Variants in CAMTA2 observed in about 807,000 individuals in gnomAD.
CAMTA2 encodes the protein calmodulin binding transcription activator 2, also known as calmodulin-binding transcription activator 2.
CAMTA2 carries 56 observed loss-of-function variants against 135.7 expected under a neutral mutation model. The ratio of observed to expected loss-of-function variants is 0.41; its 90% CI spans 0.33 to 0.52. The LOEUF (loss-of-function observed/expected upper bound fraction) is 0.52. Ranked by LOEUF, CAMTA2 falls within the 20% of genes least tolerant of loss-of-function variation. The pLI is 0.16. For synonymous variants in CAMTA2, 591 were observed against 604.6 expected (o/e 0.98, Z 0.33); for missense variants, 1,358 against 1,553.4 (o/e 0.87, Z 2.11).
Position 4,979,997 on chromosome 17 carries a change from A to G in CAMTA2, c.1325T>C (p.Phe442Ser), listed in dbSNP as rs1972859305. Residue 442 changes from phenylalanine to serine, a missense_variant, in exon 9 of 23, where the codon TTC (phenylalanine) becomes TCC (serine). By Grantham distance (155) the Phe-to-Ser change is radical. Coordinates refer to ENST00000348066, the MANE Select transcript of CAMTA2 (RefSeq NM_015099.4). Reference protein sequence around the residue: ...SVAGGRRGNCFFIQDDDSGEE... With the variant: ...SVAGGRRGNCSFIQDDDSGEE... ...CCCACTGTCATCATCTTGGATGAAG[A>G]AGCAGTTTCCTCTTCTCCCACCTGC... is the stretch of plus-strand genomic sequence containing the variant. The G allele has an allele frequency of 6.2e-7, 1 of 1,613,556 alleles. No homozygotes were observed. Among genetic ancestry groups the G allele is most frequent in the Non-Finnish European group, 8.5e-7 (1 of 1,179,948 alleles).
At position 4,968,645 on chromosome 17, in the gene CAMTA2, C is replaced by G. The variant is rs771443182; in HGVS notation, c.*111G>C. On this transcript the variant is annotated 3_prime_UTR_variant, in exon 23 of 23. Coordinates refer to ENST00000348066, the MANE Select transcript of CAMTA2 (RefSeq NM_015099.4). Reference sequence around the variant, plus strand: ...GGAGGAGGCCTACAGAGGGCTCCAACAAAGGTGAACAGGAAAGCTGCCGAC... The same window carrying G: ...GGAGGAGGCCTACAGAGGGCTCCAAGAAAGGTGAACAGGAAAGCTGCCGAC... 144 of 1,269,900 alleles carry G rather than the reference C, an allele frequency of 1.1e-4. No individual in the cohort carries two copies. The highest frequency in any genetic ancestry group is 1.5e-4 in the Non-Finnish European group (135 of 889,554). 78.7% of individuals were successfully genotyped at this position (1,269,900 alleles called of 1,614,324 possible).
intron 10 of CAMTA2, among the ~76,000 whole-genome samples, chr17:4,978,085 C>T (rs756236543): frequency 2.0e-4 from 30 of 152,232 alleles, no homozygotes; most frequent in Non-Finnish European, 3.4e-4. Flanking sequence ...AGCCAATGTC[C>T]TTCAGTCCCA....
Position 4,968,623 on chromosome 17 carries a change from G to A in CAMTA2, c.*133C>T, listed in dbSNP as rs1409948101. The A allele has an allele frequency of 2.2e-6, 2 of 890,312 alleles. No individual in the cohort carries two copies. Among genetic ancestry groups the A allele is most frequent in the East Asian group, 5.2e-5 (2 of 38,530 alleles). The allele number at this position is 890,312 out of a possible 1,614,324, so 55.2% of individuals were successfully genotyped here. On this transcript the variant is annotated 3_prime_UTR_variant, in exon 23 of 23. Transcript: ENST00000348066. ...GGGAGCAAGGCGTGGGGAGGAGGGA[G>A]GAGGCCTACAGAGGGCTCCAACAAA...
intron 10 of CAMTA2, among the ~76,000 whole-genome samples, chr17:4,977,864 T>G (rs936417856): frequency 6.6e-6 from 1 of 152,134 alleles, no homozygotes; most frequent in Non-Finnish European, 1.5e-5. Flanking sequence ...GGCAATGAAG[T>G]CTAGACCAGT....
rs1162297178 is a variant in CAMTA2, at chr17:4,973,350, A to G, written c.2202-97T>C. The G allele has an allele frequency of 8.7e-6, 9 of 1,040,406 alleles. No individual in the cohort carries two copies. The South Asian group carries it at 9.0e-5, about 10-fold the overall frequency. The allele number at this position is 1,040,406 out of a possible 1,614,324, so 64.4% of individuals were successfully genotyped here. A position where few individuals can be genotyped will look rare whatever the true frequency, so the allele number is the denominator to read the frequency against. ...AAAGGCACTAGGAGGCAAGCTGTAC[A>G]GGGCCGGTGGGAAGAGGCAGTCAAG... On this transcript the variant is annotated intron_variant, in intron 13 of 22. Transcript: ENST00000348066.
chr17:4,970,572 G>A, intron 16 of CAMTA2, 36 bp from the exon 17 acceptor site: 1 of 1,559,396 alleles, frequency 6.4e-7, no homozygotes, highest in Non-Finnish European at 8.8e-7. Flanking sequence ...GTCCTTAGGG[G>A]CCCCAGCTGC....
Position 4,973,263 on chromosome 17 carries a change from T to A in CAMTA2, c.2202-10A>T. On this transcript the variant is annotated splice_polypyrimidine_tract_variant and intron_variant, in intron 13 of 22. Transcript: ENST00000348066. ...TCCAGTCTCCACACTCCTGGAGGGT[T>A]TGGGAGAGAGACAGCAGAGCCCAAT... The A allele has an allele frequency of 6.2e-7, 1 of 1,610,024 alleles. No homozygotes were observed. The highest frequency in any genetic ancestry group is 8.5e-7 in the Non-Finnish European group (1 of 1,176,352).
chr17:4,980,510 T>A lies in CAMTA2; in HGVS notation c.812A>T (p.Glu271Val), dbSNP rs757124032. The A allele has an allele frequency of 6.7e-7, 1 of 1,490,290 alleles. No homozygotes were observed. The highest frequency in any genetic ancestry group is 9.1e-7 in the Non-Finnish European group (1 of 1,099,756). The allele number at this position is 1,490,290 out of a possible 1,614,324, so 92.3% of individuals were successfully genotyped here. A position where few individuals can be genotyped will look rare whatever the true frequency, so the allele number is the denominator to read the frequency against. The stretch of plus-strand genomic sequence containing the variant: ...AAGTGGGGCTATCAGTGGAGGAGGC[T>A]CTGGGGGGTGAGCGTGGGGGATAGA... Reference protein sequence around the residue: ...LTSIPHAHPPEPPPLIAPLPP... With the variant: ...LTSIPHAHPPVPPPLIAPLPP... The change falls in exon 9 of 23, where the codon GAG (glutamate) becomes GTG (valine). Residue 271 changes from glutamate (E) to valine (V), a missense_variant. Coordinates refer to ENST00000348066, the MANE Select transcript of CAMTA2 (RefSeq NM_015099.4). The surrounding 1 kb of genome is among the most constrained non-coding windows in gnomAD (Gnocchi z 5.3).
rs1972909266 is a variant in CAMTA2, at chr17:4,980,676, T to A, written c.701-55A>T. 1.5e-6 allele frequency: 2 copies of A among 1,368,240 alleles called. No individual in the cohort carries two copies. Among genetic ancestry groups the A allele is most frequent in the African/African-American group, 2.9e-5 (2 of 69,868 alleles). The allele number at this position is 1,368,240 out of a possible 1,614,324, so 84.8% of individuals were successfully genotyped here. The stretch of plus-strand genomic sequence containing the variant: ...AGATAAGACACATCATTCCGCACCT[T>A]CTCTACCTTGAGGCCCTTAAAAGTA... On this transcript the variant is annotated intron_variant, in intron 8 of 22. Coordinates refer to ENST00000348066, the MANE Select transcript of CAMTA2 (RefSeq NM_015099.4). The surrounding 1 kb of genome is among the most constrained non-coding windows in gnomAD (Gnocchi z 5.3).
rs371069029 is a variant in CAMTA2 at position 4,980,537 on chromosome 17, G to A, written c.785C>T (p.Thr262Ile). The A allele has an allele frequency of 6.2e-6, 10 of 1,613,526 alleles. No homozygotes were observed. In the African/African-American group the frequency reaches 8.0e-5, roughly 13 times the overall value. The stretch of plus-strand genomic sequence containing the variant: ...TGGGGGGTGAGCGTGGGGGATAGAG[G>A]TCAGGGTTAAAGCTCGGGGCTCCAC... ...PKVEPRALTL[T>I]SIPHAHPPEP... is the part of the protein sequence containing the mutation. The change falls in exon 9 of 23, where the codon ACC becomes ATC. Residue 262 changes from threonine (T) to isoleucine (I), a missense_variant. Coordinates refer to ENST00000348066, the MANE Select transcript of CAMTA2 (RefSeq NM_015099.4). The surrounding 1 kb of genome is among the most constrained non-coding windows in gnomAD (Gnocchi z 5.3).
Position 4,968,772 on chromosome 17 carries a change from G to A in CAMTA2, c.3593C>T (p.Pro1198Leu). 1.2e-6 allele frequency: 2 copies of A among 1,614,146 alleles called. No individual in the cohort carries two copies. The highest frequency in any genetic ancestry group is 1.1e-5 in the South Asian group (1 of 91,084). The change falls in exon 23 of 23, where the codon CCG becomes CTG. Residue 1198 changes from proline (P) to leucine (L), a missense_variant. Pro to Leu is a moderately conservative substitution (Grantham distance 98). This residue lies in a region of CAMTA2 where 167 missense variants were observed against 207.0 expected (regional missense o/e 0.81). Coordinates refer to ENST00000348066, the MANE Select transcript of CAMTA2 (RefSeq NM_015099.4). ...QNQELEGLPQ[P>L]GLAT Reference sequence around the variant, plus strand: ...GTGGCCAGGTCATGTGGCCAGTCCCGGCTGGGGAAGCCCTTCCAGCTCCTG... The same window carrying A: ...GTGGCCAGGTCATGTGGCCAGTCCCAGCTGGGGAAGCCCTTCCAGCTCCTG...
intron 17 of CAMTA2, 111 bp from the exon 18 acceptor site, chr17:4,970,196 C>A (rs767342644): frequency 1.5e-5 from 21 of 1,384,440 alleles, no homozygotes; most frequent in Non-Finnish European, 2.0e-5. Flanking sequence ...AGAGTGACTT[C>A]AGAGTTCATC....
rs544201376 is a variant in CAMTA2, at chr17:4,973,943, C to T, written c.2017-174G>A. ...CTGTGGCCTGTGTCTCTTGCTCCCACAGCCACTTCCTCCAGCAGCCAGACC... is the reference window on the plus strand; with the variant it reads ...CTGTGGCCTGTGTCTCTTGCTCCCATAGCCACTTCCTCCAGCAGCCAGACC... On this transcript the variant is annotated intron_variant, in intron 12 of 22. Transcript: ENST00000348066. 1.8e-5 allele frequency: 11 copies of T among 596,548 alleles called. 1 individual carries two copies. In the Middle Eastern group the frequency reaches 9.4e-4, roughly 51 times the overall value. 37.0% of individuals were successfully genotyped at this position (596,548 alleles called of 1,614,324 possible). A position where few individuals can be genotyped will look rare whatever the true frequency, so the allele number is the denominator to read the frequency against.
Position 4,973,774 on chromosome 17 carries a change from G to A in CAMTA2, c.2017-5C>T, listed in dbSNP as rs1453530445. 18 of 1,599,774 alleles carry A rather than the reference G, an allele frequency of 1.1e-5. No homozygotes were observed. Among genetic ancestry groups the A allele is most frequent in the South Asian group, 2.2e-5 (2 of 89,682 alleles). On this transcript the variant is annotated splice_polypyrimidine_tract_variant and splice_region_variant and intron_variant, in intron 12 of 22. Transcript: ENST00000348066. ...CCCAGGCCCCTGGCCTTCATCCTGC[G>A]ATATACACACTCTTAGGCAGAGACC...
At chr17:4,973,541 T>A (rs1338601696) in intron 13 of CAMTA2, 44 bp downstream of exon 13, 1 of 1,562,594 alleles carries the variant, frequency 6.4e-7, no homozygotes, top group Non-Finnish European at 8.7e-7. Flanking sequence ...CTGACACTTC[T>A]GTCCCAGAGG....
chr17:4,984,646 A>G (rs1973154043), intron 3 of CAMTA2, among the ~76,000 whole-genome samples: 1 of 152,254 alleles, frequency 6.6e-6, no homozygotes, highest in South Asian at 2.1e-4. Context: ...CATACAAGGC[A>G]GTAAGTATGC....
chr17:4,981,459 G>T, intron 7 of CAMTA2, 100 bp from the exon 8 acceptor site: 1 of 1,518,406 alleles, frequency 6.6e-7, no homozygotes, highest in East Asian at 2.3e-5. Flanking sequence ...AAGACTTCTG[G>T]CCAGGTGAAC....
chr17:4,986,018 A>G (rs202021902), intron 2 of CAMTA2, 35 bp from the exon 3 acceptor site: 2 of 1,463,548 alleles, frequency 1.4e-6, no homozygotes, highest in South Asian at 2.3e-5. Flanking sequence ...TTAGTGTGCT[A>G]CCCTGGGGCA....
At position 4,986,882 on chromosome 17, in the gene CAMTA2, CTGA is replaced by C; in HGVS notation, c.-64-599_-64-597del. 3 of 1,271,164 alleles carry C rather than the reference CTGA, an allele frequency of 2.4e-6. No individual in the cohort carries two copies. The Admixed American group carries it at 6.0e-5, about 25-fold the overall frequency. 78.7% of individuals were successfully genotyped at this position (1,271,164 alleles called of 1,614,324 possible). ...ACCCTCAGGACAACCCACCCTCCGG[CTGA>C]CAGCCCTCTCTACGTAGCTCCCTCT... On this transcript the variant is annotated intron_variant, in intron 1 of 22. Transcript: ENST00000348066.
Sources: gnomAD v4.1 joint callset for allele counts (sites outside exome capture counted in the v4.1 genomes callset) on GRCh38, gnomAD v4.1.1 for gene constraint, gnomAD v4.1.1 regional missense constraint, Gnocchi (gnomAD v3.1) non-coding constraint, MANE v1.5 for transcripts, NCBI Gene and HGNC (gene_info 2026-07-23, HGNC 2026-07-21) for gene names.